Variants in TYRO3 observed in about 807,000 individuals in gnomAD.
TYRO3 encodes the protein TYRO3 protein tyrosine kinase.
In TYRO3, 38 loss-of-function variants were observed where a neutral mutation model predicts 95.2. The ratio of observed to expected loss-of-function variants is 0.40; its 90% CI spans 0.31 to 0.52. The LOEUF (loss-of-function observed/expected upper bound fraction) is 0.52, where lower values mean the gene tolerates loss of function less well. TYRO3 is among the 20% of genes least tolerant of loss of function. The probability of loss-of-function intolerance (pLI) is 0.56; values close to 1 mark genes in which losing one functional copy is unlikely to be tolerated. For missense variants in TYRO3, 812 were observed against 1,116.4 expected (o/e 0.73, Z 3.89); for synonymous variants, 367 against 432.9 (o/e 0.85, Z 1.89).
chr15:41,572,565 G>T lies in TYRO3; in HGVS notation c.1875+1G>T, dbSNP rs200965082. 6 of 948,548 alleles carry T rather than the reference G, an allele frequency of 6.3e-6. No individual in the cohort carries two copies. The highest frequency in any genetic ancestry group is 9.5e-6 in the Non-Finnish European group (6 of 630,562). 58.8% of individuals were successfully genotyped at this position (948,548 alleles called of 1,614,324 possible). ...CTCCCGGATTGGGGAGAACCCCTTTGTGAGTACCTGGTGTGGGGGTGGCCA... is the reference window on the plus strand; with the variant it reads ...CTCCCGGATTGGGGAGAACCCCTTTTTGAGTACCTGGTGTGGGGGTGGCCA... On this transcript the variant is annotated splice_donor_variant, in intron 15 of 18. Transcript: ENST00000263798. LOFTEE classifies it high-confidence loss of function.
At position 41,568,292 on chromosome 15, in the gene TYRO3, T is replaced by A. The variant is rs12148316; in HGVS notation, c.1037T>A (p.Ile346Asn). The A allele has an allele frequency of 0.26, 414,910 of 1,608,034 alleles. 39,096 individuals carry two copies. The highest frequency in any genetic ancestry group is 0.33 in the Middle Eastern group (1,930 of 5,858). Residue 346 changes from isoleucine (I) to asparagine (N), a missense_variant, in exon 8 of 19, where the codon ATC (isoleucine) becomes AAC (asparagine). Transcript: ENST00000263798. ...CTCATCTTGGAGTGGGAAGAAGTGA[T>A]CCCCGAGGCCCCTTTGGAAGGCCCC... ...SGLILEWEEV[I>N]PEAPLEGPLG...
At position 41,561,313 on chromosome 15, in the gene TYRO3, G is replaced by A; in HGVS notation, c.308+3G>A. On this transcript the variant is annotated splice_donor_region_variant and intron_variant, in intron 2 of 18. Transcript: ENST00000263798. ...CAGCACTGGATCGGCTTCCTCAGGT[G>A]CAGGCCTGTGGGGGAAGGTGTGGGC... The A allele has an allele frequency of 9.6e-7, 1 of 1,046,448 alleles. No homozygotes were observed. The highest frequency in any genetic ancestry group is 1.4e-6 in the Non-Finnish European group (1 of 720,500). 64.8% of individuals were successfully genotyped at this position (1,046,448 alleles called of 1,614,324 possible). A position where few individuals can be genotyped will look rare whatever the true frequency, so the allele number is the denominator to read the frequency against.
At chr15:41,564,762 C>G in intron 5 of TYRO3, 1 of 480,778 alleles carries the variant, frequency 2.1e-6, no homozygotes, top group Non-Finnish European at 3.8e-6. Flanking sequence ...CACATACCCT[C>G]TCATCTTATT....
rs756289948 is a variant in TYRO3, at chr15:41,578,353, C to G, written c.*77C>G. Reference sequence around the variant, plus strand: ...GCTGGCTGACTAAGCCCCGTCTGACCCCAGCCCAGACAGCAAGGTGTGGAG... The same window carrying G: ...GCTGGCTGACTAAGCCCCGTCTGACGCCAGCCCAGACAGCAAGGTGTGGAG... On this transcript the variant is annotated 3_prime_UTR_variant, in exon 19 of 19. Transcript: ENST00000263798. 1.9e-6 allele frequency: 3 copies of G among 1,567,294 alleles called. No individual in the cohort carries two copies. In the African/African-American group the frequency reaches 4.1e-5, roughly 21 times the overall value.
chr15:41,559,554 C>T lies in TYRO3; in HGVS notation c.124+173C>T, dbSNP rs1194889441. On this transcript the variant is annotated intron_variant, in intron 1 of 18. Transcript: ENST00000263798. ...TGCGGAGTGCTCGCCGCCAGATCTCCGGCCGGGCCCCCACCCCCAACTTTC... is the reference window on the plus strand; with the variant it reads ...TGCGGAGTGCTCGCCGCCAGATCTCTGGCCGGGCCCCCACCCCCAACTTTC... Among the ~76,000 whole-genome samples, 4 of 152,214 alleles carry T rather than the reference C, an allele frequency of 2.6e-5. No individual in the cohort carries two copies. In the East Asian group the frequency reaches 7.7e-4, roughly 29 times the overall value.
chr15:41,562,406 G>T (rs1050681673), intron 3 of TYRO3, 142 bp from the exon 4 acceptor site: 1 of 674,268 alleles, frequency 1.5e-6, no homozygotes, highest in Non-Finnish European at 2.3e-6. Flanking sequence ...CAAGCTAGAT[G>T]CCTGTTCTGC....
Position 41,580,689 on chromosome 15 carries a change from G to T in TYRO3, c.*2413G>T, listed in dbSNP as rs1054910137. ...TCTGTCGCCCAGGCTAGAGTGCAGTGGTGTGATCTCGGCTCACTGTAACCT... is the reference window on the plus strand; with the variant it reads ...TCTGTCGCCCAGGCTAGAGTGCAGTTGTGTGATCTCGGCTCACTGTAACCT... On this transcript the variant is annotated 3_prime_UTR_variant, in exon 19 of 19. Transcript: ENST00000263798. 1.3e-5 allele frequency: 2 copies of T among 151,204 alleles called. No homozygotes were observed. The highest frequency in any genetic ancestry group is 4.9e-5 in the African/African-American group (2 of 41,162). 9.4% of individuals were successfully genotyped at this position (151,204 alleles called of 1,614,324 possible).
At chr15:41,571,477 C>A in intron 13 of TYRO3, 118 bp from the exon 14 acceptor site, 1 of 734,872 alleles carries the variant, frequency 1.4e-6, no homozygotes. Flanking sequence ...CATGGCTGGG[C>A]TGTTTCCTGG....
At chr15:41,562,492 T>C (rs2055669510) in intron 3 of TYRO3, 56 bp from the exon 4 acceptor site, 5 of 1,478,094 alleles carry the variant, frequency 3.4e-6, no homozygotes, top group Non-Finnish European at 3.7e-6. Context: ...TTGTGATTTG[T>C]ACAGTAGGAA....
At chr15:41,574,185 T>G (rs2055835148) in intron 18 of TYRO3, among the ~76,000 whole-genome samples, 1 of 152,222 alleles carries the variant, frequency 6.6e-6, no homozygotes, top group African/African-American at 2.4e-5. Context: ...TTATTTTATT[T>G]GTTCTACCCT....
At chr15:41,569,059 G>C in intron 9 of TYRO3, 37 bp downstream of exon 9, 1 of 1,610,030 alleles carries the variant, frequency 6.2e-7, no homozygotes, top group Non-Finnish European at 8.5e-7. Context: ...GAGGCTCAGG[G>C]GATCAAGGTT....
intron 8 of TYRO3, among the ~76,000 whole-genome samples, 186 bp from the exon 9 acceptor site, chr15:41,568,692 T>A (rs2055756153): frequency 6.6e-6 from 1 of 152,128 alleles, no homozygotes; most frequent in African/African-American, 2.4e-5. Context: ...GTTTGTGTTC[T>A]GGAGAGGCCC....
At chr15:41,563,896 G>A (rs1169474071) in intron 4 of TYRO3, among the ~76,000 whole-genome samples, 1 of 152,150 alleles carries the variant, frequency 6.6e-6, no homozygotes, top group Non-Finnish European at 1.5e-5. Flanking sequence ...GATGGAGGTG[G>A]GAGGGTGGTA....
chr15:41,567,687 A>T, intron 7 of TYRO3, 150 bp downstream of exon 7: 1 of 636,662 alleles, frequency 1.6e-6, no homozygotes, highest in Non-Finnish European at 2.4e-6. Context: ...CCACCTTGTA[A>T]GTAGTTCTTG....
rs368589470 is a variant in TYRO3, at chr15:41,572,600, G to T, written c.1875+36G>T. ...GGTGTGGGGGTGGCCAGGAGGAAACGGGTGGGAACACAGGGCCTGGAAAGG... is the reference window on the plus strand; with the variant it reads ...GGTGTGGGGGTGGCCAGGAGGAAACTGGTGGGAACACAGGGCCTGGAAAGG... On this transcript the variant is annotated intron_variant, in intron 15 of 18. Coordinates refer to ENST00000263798, the MANE Select transcript of TYRO3 (RefSeq NM_006293.4). 33 of 1,612,922 alleles carry T rather than the reference G, an allele frequency of 2.0e-5. 1 individual carries two copies. The highest frequency in any genetic ancestry group is 2.8e-5 in the Non-Finnish European group (33 of 1,179,366).
rs140010890 is a variant in TYRO3, at chr15:41,568,252, C to A, written c.997C>A (p.Arg333Ser). Reference protein sequence around the residue: ...ASAPQNLHAIRTDSGLILEWE... With the variant: ...ASAPQNLHAISTDSGLILEWE... Reference sequence around the variant, plus strand: ...CGCTCCCCAAAACCTCCATGCCATCCGCACAGATTCAGGCCTCATCTTGGA... The same window carrying A: ...CGCTCCCCAAAACCTCCATGCCATCAGCACAGATTCAGGCCTCATCTTGGA... Residue 333 changes from arginine to serine, a missense_variant, in exon 8 of 19, where the codon CGC becomes AGC. Physicochemically the swap from Arg to Ser is moderately radical, Grantham distance 110. Coordinates refer to ENST00000263798, the MANE Select transcript of TYRO3 (RefSeq NM_006293.4). 7.1e-5 allele frequency: 115 copies of A among 1,613,060 alleles called. No homozygotes were observed. In the South Asian group the frequency reaches 1.2e-3, roughly 17 times the overall value.
intron 12 of TYRO3, 69 bp downstream of exon 12, chr15:41,570,768 C>A (rs1304933705): frequency 1.4e-6 from 2 of 1,453,230 alleles, no homozygotes; most frequent in African/African-American, 1.4e-5. Flanking sequence ...TTGCCCCTGT[C>A]ACTTTGAGGC....
In TYRO3 at chr15:41,568,248, C is replaced by G. The variant is rs375950983; in HGVS notation, c.993C>G (p.Ala331=). The change falls in exon 8 of 19, where the codon GCC becomes GCG. Residue 331 remains alanine, a synonymous_variant. Transcript: ENST00000263798. ...APASAPQNLH[A]IRTDSGLILE... ...CCAGCGCTCCCCAAAACCTCCATGC[C>G]ATCCGCACAGATTCAGGCCTCATCT... 1 of 1,612,978 alleles carries G rather than the reference C, an allele frequency of 6.2e-7. No individual in the cohort carries two copies. The highest frequency in any genetic ancestry group is 8.5e-7 in the Non-Finnish European group (1 of 1,180,002).
rs767816540 is a variant in TYRO3, at chr15:41,568,209, G to A, written c.962-8G>A. 6.2e-7 allele frequency: 1 copy of A among 1,611,718 alleles called. No individual in the cohort carries two copies. Among genetic ancestry groups the A allele is most frequent in the East Asian group, 2.2e-5 (1 of 44,874 alleles). On this transcript the variant is annotated splice_polypyrimidine_tract_variant and splice_region_variant and intron_variant, in intron 7 of 18. Transcript: ENST00000263798. ...GGGGTCTTAGCAATCTTCTCTCTTT[G>A]GCTGCAGCCCCAGCCAGCGCTCCCC...
Sources: allele counts gnomAD v4.1 joint callset (sites outside exome capture counted in the v4.1 genomes callset), GRCh38; gene constraint gnomAD v4.1.1; transcripts MANE v1.5; gene names NCBI Gene and HGNC (gene_info 2026-07-23, HGNC 2026-07-21).